Variants in AK9 observed in about 807,000 individuals in gnomAD.
AK9 encodes the protein adenylate kinase 9.
AK9 carries 191 observed loss-of-function variants against 239.6 expected under a neutral mutation model. The observed-to-expected ratio is 0.80, with a 90% confidence interval of 0.71 to 0.90. The LOEUF is 0.90. AK9 is among the 40% of genes least tolerant of loss of function. AK9 has a pLI of 0.00. For synonymous variants in AK9, 689 were observed against 721.0 expected (o/e 0.96, Z 0.71); for missense variants, 1,995 against 2,214.7 (o/e 0.90, Z 1.99).
intron 35 of AK9, 21 bp downstream of exon 35, chr6:109,506,306 C>T (rs377538776): frequency 1.2e-6 from 2 of 1,601,834 alleles, no homozygotes; most frequent in African/African-American, 2.7e-5. Context: ...TTTTATTCTA[C>T]CTTAAAAAGT....
At chr6:109,496,873 ATCAG>A (rs1344245571) in intron 38 of AK9, among the ~76,000 whole-genome samples, 13 of 152,196 alleles carry the variant, frequency 8.5e-5, no homozygotes, top group Middle Eastern at 6.8e-3. Context: ...CTCACTTACA[ATCAG>A]TCAATGTGCT....
At chr6:109,665,344 T>C (rs908989465) in intron 5 of AK9, among the ~76,000 whole-genome samples, 1 of 152,240 alleles carries the variant, frequency 6.6e-6, no homozygotes, top group Non-Finnish European at 1.5e-5. Context: ...CATAGCGTGG[T>C]ATCCCCAAGG....
chr6:109,618,441 C>CAA (rs1469232941), intron 13 of AK9, among the ~76,000 whole-genome samples: 2 of 133,186 alleles, frequency 1.5e-5, no homozygotes, highest in Non-Finnish European at 3.2e-5. Context: ...AAAAAAAAAA[C>CAA]AAAACGCTTT....
intron 17 of AK9, 44 bp from the exon 18 acceptor site, chr6:109,586,116 G>A: frequency 1.4e-6 from 2 of 1,449,114 alleles, no homozygotes; most frequent in South Asian, 2.9e-5. Context: ...AGCTTGACAA[G>A]TCAAGGATGC....
Position 109,495,449 on chromosome 6 carries a change from A to G in AK9, c.5316-9T>C. The G allele has an allele frequency of 1.9e-6, 3 of 1,601,898 alleles. No homozygotes were observed. Among genetic ancestry groups the G allele is most frequent in the Non-Finnish European group, 2.6e-6 (3 of 1,170,764 alleles). On this transcript the variant is annotated splice_polypyrimidine_tract_variant and intron_variant, in intron 38 of 40. Transcript: ENST00000424296. ...AGTATTTCAGTGGCGACCTAAGAAC[A>G]CAAAGTTCATTAGATGGATGCTCAC...
intron 5 of AK9, among the ~76,000 whole-genome samples, chr6:109,670,126 T>C (rs1309009522): frequency 6.6e-6 from 1 of 151,984 alleles, no homozygotes; most frequent in East Asian, 1.9e-4. Flanking sequence ...TAGAAAGAAG[T>C]AGGGGAAACT....
intron 6 of AK9, among the ~76,000 whole-genome samples, 163 bp from the exon 7 acceptor site, chr6:109,659,576 G>T (rs1329980378): frequency 6.6e-6 from 1 of 152,062 alleles, no homozygotes; most frequent in African/African-American, 2.4e-5. Context: ...TTCATTACAT[G>T]CCAAGAGAGG....
At position 109,671,967 on chromosome 6, in the gene AK9, T is replaced by A. The variant is rs75570676; in HGVS notation, c.283A>T (p.Ile95Leu). 6.5e-3 allele frequency: 10,487 copies of A among 1,614,020 alleles called. 619 individuals carry two copies. The African/African-American group carries it at 0.13, about 19-fold the overall frequency. ...SGQSIPDELV[I>L]KLMLEKLNSP... ...TTGAGCTTCTCCAACATTAGCTTTA[T>A]GACAAGTTCATCTGGAATGCTTTGA... Residue 95 changes from isoleucine to leucine, a missense_variant, in exon 5 of 41, where the codon ATA becomes TTA. Around this residue, in one of 5 missense-constraint regions of AK9, gnomAD observed 252 missense variants for 246.4 expected, o/e 1.02. Transcript: ENST00000424296.
chr6:109,576,432 T>C, intron 20 of AK9, among the ~76,000 whole-genome samples: 1 of 148,834 alleles, frequency 6.7e-6, no homozygotes, highest in Admixed American at 6.7e-5. Context: ...TTTTTTTTTT[T>C]TTTTTGCAGC....
In AK9 at chr6:109,622,452, GTATAA is replaced by G. The variant is rs1049569719; in HGVS notation, c.1255-3221_1255-3217del. On this transcript the variant is annotated intron_variant, in intron 12 of 40. Coordinates refer to ENST00000424296, the MANE Select transcript of AK9 (RefSeq NM_001145128.3). The stretch of plus-strand genomic sequence containing the variant: ...ATACTATAGTATATTATACATCAAT[GTATAA>G]TATAATATTAATATAATATATATTA... Among the ~76,000 whole-genome samples, 31 of 140,776 alleles carry G rather than the reference GTATAA, an allele frequency of 2.2e-4. No individual in the cohort carries two copies. In the East Asian group the frequency reaches 2.5e-3, roughly 11 times the overall value. The allele number at this position is 140,776 out of a possible 152,430, so 92.4% of individuals were successfully genotyped here.
At chr6:109,548,152 A>G (rs1783838516) in intron 25 of AK9, among the ~76,000 whole-genome samples, 1 of 152,168 alleles carries the variant, frequency 6.6e-6, no homozygotes, top group African/African-American at 2.4e-5. Context: ...AACAGTATGG[A>G]ATTTTCTCAA....
chr6:109,625,339 G>C (rs1185114519), intron 12 of AK9, among the ~76,000 whole-genome samples: 1 of 152,116 alleles, frequency 6.6e-6, no homozygotes, highest in African/African-American at 2.4e-5. Context: ...ATTGTTTTCT[G>C]ATTGCCATTG....
At chr6:109,559,242 A>G (rs934568159) in intron 24 of AK9, among the ~76,000 whole-genome samples, 1 of 150,510 alleles carries the variant, frequency 6.6e-6, no homozygotes, top group Non-Finnish European at 1.5e-5. Flanking sequence ...ATCTCGGCTC[A>G]CTGCAGGCTC....
At chr6:109,625,433 G>A (rs1394064707) in intron 12 of AK9, among the ~76,000 whole-genome samples, 1 of 152,138 alleles carries the variant, frequency 6.6e-6, no homozygotes, top group African/African-American at 2.4e-5. Flanking sequence ...CTTTAGGGGA[G>A]GGGTCTCCCA....
intron 19 of AK9, among the ~76,000 whole-genome samples, chr6:109,583,846 C>T (rs1266272962): frequency 6.6e-6 from 1 of 152,056 alleles, no homozygotes; most frequent in Non-Finnish European, 1.5e-5. Context: ...ATCACATCAA[C>T]TTTGTTTTAC....
chr6:109,601,996 T>C (rs1251309067), intron 17 of AK9, among the ~76,000 whole-genome samples: 1 of 152,232 alleles, frequency 6.6e-6, no homozygotes, highest in African/African-American at 2.4e-5. Context: ...GTCTCCTGAA[T>C]ACAGCACACT....
At chr6:109,661,473 G>GCT (rs1800404343) in intron 6 of AK9, among the ~76,000 whole-genome samples, 1 of 152,112 alleles carries the variant, frequency 6.6e-6, no homozygotes, top group African/African-American at 2.4e-5. Flanking sequence ...ACAACTGTGT[G>GCT]CTCTCTCTCA....
chr6:109,573,905 T>C (rs1787737332), intron 20 of AK9, among the ~76,000 whole-genome samples: 1 of 152,106 alleles, frequency 6.6e-6, no homozygotes, highest in Non-Finnish European at 1.5e-5. Context: ...TCCAAAGAAA[T>C]GGCTACATCA....
chr6:109,505,434 CTATT>C (rs1778015780), intron 35 of AK9, among the ~76,000 whole-genome samples: 1 of 152,124 alleles, frequency 6.6e-6, no homozygotes, highest in Admixed American at 6.6e-5. Flanking sequence ...AGTCAATAAA[CTATT>C]TAACAAGAAT....
Sources: gnomAD v4.1 joint callset for allele counts (sites outside exome capture counted in the v4.1 genomes callset) on GRCh38, gnomAD v4.1.1 for gene constraint, gnomAD v4.1.1 regional missense constraint, MANE v1.5 for transcripts, NCBI Gene and HGNC (gene_info 2026-07-23, HGNC 2026-07-21) for gene names.